SYT14: variants seen among roughly 807,000 people sequenced by gnomAD.
SYT14 encodes synaptotagmin-14.
SYT14 carries 32 observed loss-of-function variants against 74.2 expected under a neutral mutation model. That is an observed-to-expected ratio of 0.43 (90% CI 0.33 to 0.58). The LOEUF (loss-of-function observed/expected upper bound fraction) is 0.58, where lower values mean the gene tolerates loss of function less well. Among genes scored for constraint, SYT14 ranks in the 20% least tolerant of loss-of-function variants. The pLI is 0.05. For missense variants in SYT14, 791 were observed against 981.8 expected (o/e 0.81, Z 2.60); for synonymous variants, 298 against 337.7 (o/e 0.88, Z 1.29).
intron 7 of SYT14, among the ~76,000 whole-genome samples, chr1:210,106,457 A>G (rs932785497): frequency 7.2e-5 from 11 of 152,172 alleles, no homozygotes; most frequent in Non-Finnish European, 1.2e-4. Flanking sequence ...TAATTTATAA[A>G]GGAAAGAGGT....
intron 1 of SYT14, among the ~76,000 whole-genome samples, chr1:209,941,855 C>T (rs2078736168): frequency 6.6e-6 from 1 of 152,194 alleles, no homozygotes; most frequent in Non-Finnish European, 1.5e-5. Context: ...TAAGAATGAT[C>T]AAGTTCTTTA....
chr1:210,057,182 A>G (rs1480228076), intron 5 of SYT14, among the ~76,000 whole-genome samples: 2 of 152,176 alleles, frequency 1.3e-5, no homozygotes, highest in Non-Finnish European at 1.5e-5. Context: ...AAGATTGGAG[A>G]CAAACCCAAA....
intron 5 of SYT14, among the ~76,000 whole-genome samples, chr1:210,055,987 T>TA (rs1304869045): frequency 6.6e-6 from 1 of 152,162 alleles, no homozygotes; most frequent in African/African-American, 2.4e-5. Flanking sequence ...ATGCTATTTT[T>TA]AAAAAATGCT....
intron 7 of SYT14, among the ~76,000 whole-genome samples, chr1:210,154,450 AG>A (rs2083229265): frequency 6.6e-6 from 1 of 152,186 alleles, no homozygotes; most frequent in Admixed American, 6.5e-5. Flanking sequence ...GGTGCCAAAA[AG>A]GTTGGAGATC....
intron 2 of SYT14, among the ~76,000 whole-genome samples, chr1:209,990,407 C>CGGGG (rs1558114384): frequency 6.6e-6 from 1 of 150,656 alleles, no homozygotes; most frequent in Non-Finnish European, 1.5e-5. Flanking sequence ...CATCATGGAA[C>CGGGG]GCCCCCACCT....
chr1:210,139,830 C>T (rs1419625851), intron 7 of SYT14, among the ~76,000 whole-genome samples: 2 of 152,058 alleles, frequency 1.3e-5, no homozygotes, highest in Non-Finnish European at 2.9e-5. Flanking sequence ...TTTTTGGGGA[C>T]TTAATAATAT....
At chr1:210,104,513 T>A (rs2082125011) in intron 7 of SYT14, among the ~76,000 whole-genome samples, 1 of 152,178 alleles carries the variant, frequency 6.6e-6, no homozygotes, top group South Asian at 2.1e-4. Flanking sequence ...ATGGCATATA[T>A]CCCTCTCATA....
chr1:210,082,496 A>G (rs1057356750), intron 5 of SYT14, among the ~76,000 whole-genome samples: 17 of 152,296 alleles, frequency 1.1e-4, no homozygotes, highest in Middle Eastern at 3.4e-3. Context: ...TTTTCTACTC[A>G]GTTAGCTAGT....
intron 2 of SYT14, among the ~76,000 whole-genome samples, chr1:210,012,683 A>C (rs1439637314): frequency 6.6e-6 from 1 of 151,930 alleles, no homozygotes; most frequent in Non-Finnish European, 1.5e-5. Context: ...CGTGCATCAG[A>C]TATAACCTTT....
At chr1:210,025,401 T>C (rs969092974) in intron 5 of SYT14, among the ~76,000 whole-genome samples, 3 of 152,178 alleles carry the variant, frequency 2.0e-5, no homozygotes, top group African/African-American at 7.2e-5. Flanking sequence ...CATGTGACCA[T>C]CACACAAGTT....
chr1:210,147,690 A>C (rs958013356), intron 7 of SYT14, among the ~76,000 whole-genome samples: 2 of 152,354 alleles, frequency 1.3e-5, no homozygotes, highest in East Asian at 1.9e-4. Context: ...AGAGATAAAC[A>C]TAATACAATA....
chr1:210,117,113 C>G (rs1053370507), intron 7 of SYT14, among the ~76,000 whole-genome samples: 4 of 152,264 alleles, frequency 2.6e-5, no homozygotes, highest in East Asian at 1.9e-4. Context: ...CTGAACTACC[C>G]TCTTTATGAC....
intron 7 of SYT14, among the ~76,000 whole-genome samples, chr1:210,128,645 T>A (rs748900040): frequency 1.3e-5 from 2 of 152,222 alleles, no homozygotes; most frequent in Non-Finnish European, 2.9e-5. Context: ...TACCCTCTTA[T>A]GTCCTACAGA....
Position 210,097,753 on chromosome 1 carries a change from T to C in SYT14, c.1585-2259T>C, listed in dbSNP as rs191023035. On this transcript the variant is annotated intron_variant, in intron 6 of 9. Transcript: ENST00000637265. ...TAAATTTTTTAACAGAATAAGAATA[T>C]GTTTTGATTTTCTTATGCTACATTA... 2.8e-3 allele frequency among the ~76,000 whole-genome samples: 431 copies of C among 152,350 alleles called. 2 individuals carry two copies. The highest frequency in any genetic ancestry group is 4.5e-3 in the Non-Finnish European group (305 of 68,034).
At chr1:209,966,089 C>A (rs1005398891) in intron 2 of SYT14, 3 of 360,706 alleles carry the variant, frequency 8.3e-6, no homozygotes, top group African/African-American at 6.4e-5. Context: ...CCAGGGTGGT[C>A]TCGATCGCTT....
chr1:209,979,399 T>C (rs1458019666), intron 2 of SYT14, among the ~76,000 whole-genome samples: 1 of 152,196 alleles, frequency 6.6e-6, no homozygotes, highest in Non-Finnish European at 1.5e-5. Flanking sequence ...GATGTTGTTA[T>C]GGATGAGATG....
At chr1:210,088,418 C>G (rs1240541265) in intron 5 of SYT14, among the ~76,000 whole-genome samples, 1 of 151,926 alleles carries the variant, frequency 6.6e-6, no homozygotes, top group Admixed American at 6.6e-5. Flanking sequence ...TCTCATTGTT[C>G]AATTCCCACT....
intron 5 of SYT14, among the ~76,000 whole-genome samples, chr1:210,021,592 A>C (rs2080305301): frequency 6.6e-6 from 1 of 152,200 alleles, no homozygotes; most frequent in Admixed American, 6.5e-5. Context: ...CTGTTATAGG[A>C]ACTGATAGAG....
chr1:210,099,232 A>T (rs1220315052), intron 6 of SYT14, among the ~76,000 whole-genome samples: 1 of 152,170 alleles, frequency 6.6e-6, no homozygotes, highest in Non-Finnish European at 1.5e-5. Flanking sequence ...TACATTCTAG[A>T]TAGATAGACT....
Sources: gnomAD v4.1 joint callset for allele counts (sites outside exome capture counted in the v4.1 genomes callset) on GRCh38, gnomAD v4.1.1 for gene constraint, MANE v1.5 for transcripts, NCBI Gene and HGNC (gene_info 2026-07-23, HGNC 2026-07-21) for gene names.